ZDBF2: variants seen among roughly 807,000 people sequenced by gnomAD.
ZDBF2 encodes zinc finger DBF-type containing 2, also known as DBF4-type zinc finger-containing protein 2.
A neutral mutation model predicts 9.4 loss-of-function variants in ZDBF2; 6 were observed. That is an observed-to-expected ratio of 0.64 (90% CI 0.35 to 1.27). The LOEUF (loss-of-function observed/expected upper bound fraction) is 1.27, where lower values mean the gene tolerates loss of function less well. ZDBF2 is among the 50% of genes most tolerant of loss of function. ZDBF2 has a pLI of 0.03. For synonymous variants in ZDBF2, 905 were observed against 946.3 expected, an observed-to-expected ratio of 0.96 and a Z score of 0.80; for missense variants, 2,697 against 2,766.8, an observed-to-expected ratio of 0.97 and a Z score of 0.57.
chr2:206,302,782 TG>T (rs2105943474), intron 4 of ZDBF2, among the ~76,000 whole-genome samples: 1 of 152,316 alleles, frequency 6.6e-6, no homozygotes, highest in Non-Finnish European at 1.5e-5. Context: ...TAAATTTATA[TG>T]GGATAGTAAT....
At chr2:206,280,057 G>A (rs975542101) in intron 2 of ZDBF2, among the ~76,000 whole-genome samples, 3 of 152,118 alleles carry the variant, frequency 2.0e-5, no homozygotes, top group African/African-American at 7.2e-5. Flanking sequence ...CACCTGCCTC[G>A]GCCTCCCAAA....
At chr2:206,281,192 C>T (rs1473099066) in intron 2 of ZDBF2, among the ~76,000 whole-genome samples, 4 of 152,116 alleles carry the variant, frequency 2.6e-5, no homozygotes, top group Non-Finnish European at 5.9e-5. Context: ...GAAATCTAAA[C>T]AGTAATAGGA....
chr2:206,278,817 T>C lies in ZDBF2; in HGVS notation c.-102-723T>C, dbSNP rs1410181811. 7.2e-5 allele frequency among the ~76,000 whole-genome samples: 11 copies of C among 152,330 alleles called. No individual in the cohort carries two copies. The East Asian group carries it at 1.7e-3, about 24-fold the overall frequency. Reference sequence around the variant, plus strand: ...TGAACTCATTAGCATTTATTATTTTTGCTGAGGCATTTCTTAGGCAGCACC... The same window carrying C: ...TGAACTCATTAGCATTTATTATTTTCGCTGAGGCATTTCTTAGGCAGCACC... On this transcript the variant is annotated intron_variant, in intron 1 of 4. Coordinates refer to ENST00000374423, the MANE Select transcript of ZDBF2 (RefSeq NM_020923.3).
intron 3 of ZDBF2, among the ~76,000 whole-genome samples, chr2:206,283,818 C>T (rs549913345): frequency 1.1e-4 from 17 of 152,184 alleles, no homozygotes; most frequent in East Asian, 3.9e-4. Context: ...TGTGCACCAC[C>T]GTACCCAGCT....
chr2:206,311,090 C>T lies in ZDBF2; in HGVS notation c.6562C>T (p.Leu2188=). The T allele has an allele frequency of 6.2e-7, 1 of 1,613,300 alleles. No individual in the cohort carries two copies. Among genetic ancestry groups the T allele is most frequent in the Non-Finnish European group, 8.5e-7 (1 of 1,179,756 alleles). Residue 2188 remains leucine, a synonymous_variant, in exon 5 of 5, where the codon CTA becomes TTA. Coordinates refer to ENST00000374423, the MANE Select transcript of ZDBF2 (RefSeq NM_020923.3). ...GAGGGTGACAACTAGTAGTAATAAG[C>T]TAGGTTTTCCCAAAAAGGTTTATAA... ...GKRVTTSSNK[L]GFPKKVYKPI...
At position 206,308,502 on chromosome 2, in the gene ZDBF2, G is replaced by T; in HGVS notation, c.3974G>T (p.Ser1325Ile). The stretch of plus-strand genomic sequence containing the variant: ...CTGGATGATAAGGGCTATGTGCCCA[G>T]TGATTCTGAAATAATTTATGTTTCA... Reference protein sequence around the residue: ...VCLDDKGYVPSDSEIIYVSNI... With the variant: ...VCLDDKGYVPIDSEIIYVSNI... The change falls in exon 5 of 5, where the codon AGT (serine) becomes ATT (isoleucine). Residue 1325 changes from serine to isoleucine, a missense_variant. Transcript: ENST00000374423. The T allele has an allele frequency of 6.2e-7, 1 of 1,613,140 alleles. No individual in the cohort carries two copies. The highest frequency in any genetic ancestry group is 1.1e-5 in the South Asian group (1 of 90,816).
chr2:206,291,154 C>T (rs1036948311), intron 3 of ZDBF2, among the ~76,000 whole-genome samples: 10 of 152,138 alleles, frequency 6.6e-5, no homozygotes, highest in Admixed American at 1.3e-4. Flanking sequence ...CTTAAATCAG[C>T]GGTCCTCAAC....
rs1252367980 is a variant in ZDBF2, at chr2:206,305,123, C to A, written c.595C>A (p.Pro199Thr). 6 of 1,613,610 alleles carry A rather than the reference C, an allele frequency of 3.7e-6. No homozygotes were observed. The South Asian group carries it at 5.5e-5, about 15-fold the overall frequency. Residue 199 changes from proline to threonine, a missense_variant, in exon 5 of 5, where the codon CCA (proline) becomes ACA (threonine). Physicochemically the swap from Pro to Thr is conservative, Grantham distance 38. Transcript: ENST00000374423. Reference sequence around the variant, plus strand: ...TTTACCTGAAAGCTCTAACGATAGACCAGTTACAGCTAATACAACTAGTTT... The same window carrying A: ...TTTACCTGAAAGCTCTAACGATAGAACAGTTACAGCTAATACAACTAGTTT... ...SCLPESSNDR[P>T]VTANTTSLPP...
At chr2:206,295,343 CT>C (rs137979596) in intron 3 of ZDBF2, among the ~76,000 whole-genome samples, 1,579 of 143,478 alleles carry the variant, frequency 0.011, 33 homozygotes, top group African/African-American at 0.038. Flanking sequence ...TACTCTAATT[CT>C]TTTTTTTTCT....
At chr2:206,294,081 A>T (rs190332783) in intron 3 of ZDBF2, among the ~76,000 whole-genome samples, 1 of 152,222 alleles carries the variant, frequency 6.6e-6, no homozygotes, top group Admixed American at 6.5e-5. Flanking sequence ...GATTCAGCCA[A>T]TATGTATGAA....
intron 3 of ZDBF2, among the ~76,000 whole-genome samples, chr2:206,287,779 G>T (rs1167235743): frequency 6.6e-6 from 1 of 151,748 alleles, no homozygotes; most frequent in Non-Finnish European, 1.5e-5. Flanking sequence ...CTGTGACTGG[G>T]TAATTTCAAA....
rs1404471120 is a variant in ZDBF2 at position 206,308,487 on chromosome 2, A to G, written c.3959A>G (p.Lys1320Arg). 6.2e-7 allele frequency: 1 copy of G among 1,613,352 alleles called. No homozygotes were observed. The highest frequency in any genetic ancestry group is 1.3e-5 in the African/African-American group (1 of 74,906). ...LREEHVCLDD[K>R]GYVPSDSEII... Reference sequence around the variant, plus strand: ...GAGGAACATGTTTGTCTGGATGATAAGGGCTATGTGCCCAGTGATTCTGAA... The same window carrying G: ...GAGGAACATGTTTGTCTGGATGATAGGGGCTATGTGCCCAGTGATTCTGAA... The change falls in exon 5 of 5, where the codon AAG becomes AGG. Residue 1320 changes from lysine to arginine, a missense_variant. Around this residue, in one of 3 missense-constraint regions of ZDBF2, gnomAD observed 1,783 missense variants for 1,776.5 expected, o/e 1.00. Transcript: ENST00000374423.
chr2:206,304,089 T>C (rs1254209758), intron 4 of ZDBF2, among the ~76,000 whole-genome samples: 1 of 152,174 alleles, frequency 6.6e-6, no homozygotes, highest in Non-Finnish European at 1.5e-5. Flanking sequence ...GGTATGTACA[T>C]TCTTAATTTT....
At chr2:206,300,592 C>T (rs557835170) in intron 4 of ZDBF2, among the ~76,000 whole-genome samples, 2 of 152,250 alleles carry the variant, frequency 1.3e-5, no homozygotes, top group South Asian at 4.2e-4. Context: ...GCTTGAGCCA[C>T]TTGATTAAGG....
At chr2:206,295,329 A>T (rs1446878537) in intron 3 of ZDBF2, among the ~76,000 whole-genome samples, 2 of 148,612 alleles carry the variant, frequency 1.3e-5, no homozygotes, top group Non-Finnish European at 3.0e-5. Context: ...AACTTTGGGC[A>T]GTTTACTCTA....
chr2:206,286,364 A>G (rs1000996968), intron 3 of ZDBF2, among the ~76,000 whole-genome samples: 1 of 152,154 alleles, frequency 6.6e-6, no homozygotes, highest in Non-Finnish European at 1.5e-5. Context: ...TATTGAGTAC[A>G]TATATATTTA....
chr2:206,306,329 A>G lies in ZDBF2; in HGVS notation c.1801A>G (p.Lys601Glu). Reference sequence around the variant, plus strand: ...AGTTGATCATCCCCAACTGACTGTCAAAGGAAGAAACCTGAAAGGTAGACA... The same window carrying G: ...AGTTGATCATCCCCAACTGACTGTCGAAGGAAGAAACCTGAAAGGTAGACA... ...SVVDHPQLTV[K>E]GRNLKGRQVH... The change falls in exon 5 of 5, where the codon AAA (lysine) becomes GAA (glutamate). Residue 601 changes from lysine (K) to glutamate (E), a missense_variant. Physicochemically the swap from Lys to Glu is moderately conservative, Grantham distance 56. Transcript: ENST00000374423. 1.9e-6 allele frequency: 3 copies of G among 1,613,742 alleles called. No homozygotes were observed. The highest frequency in any genetic ancestry group is 2.5e-6 in the Non-Finnish European group (3 of 1,179,806).
Position 206,308,729 on chromosome 2 carries a change from A to G in ZDBF2, c.4201A>G (p.Lys1401Glu), listed in dbSNP as rs778378237. 2.2e-5 allele frequency: 36 copies of G among 1,613,062 alleles called. No individual in the cohort carries two copies. Among genetic ancestry groups the G allele is most frequent in the Admixed American group, 3.3e-5 (2 of 59,886 alleles). The change falls in exon 5 of 5, where the codon AAG becomes GAG. Residue 1401 changes from lysine to glutamate, a missense_variant. Around this residue, in one of 3 missense-constraint regions of ZDBF2, gnomAD observed 1,783 missense variants for 1,776.5 expected, o/e 1.00. Transcript: ENST00000374423. ...WKEDHIYLED[K>E]SYKLGDFDVS... ...GGAAGACCATATTTACCTGGAAGAT[A>G]AGAGCTATAAATTAGGTGATTTTGA... is the stretch of plus-strand genomic sequence containing the variant.
At chr2:206,290,992 T>C (rs1261950905) in intron 3 of ZDBF2, among the ~76,000 whole-genome samples, 1 of 152,244 alleles carries the variant, frequency 6.6e-6, no homozygotes, top group Admixed American at 6.5e-5. Flanking sequence ...CCTAATTTGC[T>C]AAGTGTTTAA....
Sources: allele counts gnomAD v4.1 joint callset (sites outside exome capture counted in the v4.1 genomes callset), GRCh38; gene constraint gnomAD v4.1.1; regional missense constraint gnomAD v4.1.1; transcripts MANE v1.5; gene names NCBI Gene and HGNC (gene_info 2026-07-23, HGNC 2026-07-21).